Variants in TYMP observed in about 807,000 individuals in gnomAD.
The protein encoded by TYMP is gliostatin.
TYMP carries 46 observed loss-of-function variants against 42.3 expected under a neutral mutation model. The ratio of observed to expected loss-of-function variants is 1.09; its 90% CI spans 0.86 to 1.39. The LOEUF is 1.39. Among genes scored for constraint, TYMP ranks in the 40% most tolerant of loss-of-function variants. The pLI is 0.00. For synonymous variants in TYMP, 363 were observed against 308.0 expected, an observed-to-expected ratio of 1.18 and a Z score of -1.87; for missense variants, 837 against 677.6, an observed-to-expected ratio of 1.24 and a Z score of -2.61.
rs1052593047 is a variant in TYMP, at chr22:50,526,460, C to T, written c.945G>A (p.Trp315Ter). 6.7e-7 allele frequency: 1 copy of T among 1,492,898 alleles called. No homozygotes were observed. Among genetic ancestry groups the T allele is most frequent in the Non-Finnish European group, 8.8e-7 (1 of 1,130,128 alleles). 92.5% of individuals were successfully genotyped at this position (1,492,898 alleles called of 1,614,324 possible). A position where few individuals can be genotyped will look rare whatever the true frequency, so the allele number is the denominator to read the frequency against. ...CCTGAGTCCCCGCGTGTCCGCTGAG[C>T]CAGAGCAGGGCGCCCCCTGCGGGCG... is the stretch of plus-strand genomic sequence containing the variant. The part of the protein sequence containing the change: ...LVTTLGGALL[W>*]LSGHAGTQAQ... Residue 315 changes from tryptophan (W) to a stop codon, truncating the protein, a stop_gained, in exon 8 of 10, where the codon TGG (tryptophan) becomes TGA (stop). Transcript: ENST00000252029. LOFTEE classifies it high-confidence loss of function.
Position 50,525,981 on chromosome 22 carries a change from A to G in TYMP, c.1300+20T>C. On this transcript the variant is annotated intron_variant, in intron 9 of 9. Coordinates refer to ENST00000252029, the MANE Select transcript of TYMP (RefSeq NM_001953.5). ...AGCTGGGCGGGGGTGCGGGGCCAGC[A>G]GGGCGGGGGCGGCGCTCACCACGGC... is the stretch of plus-strand genomic sequence containing the variant. The G allele has an allele frequency of 7.2e-7, 1 of 1,387,376 alleles. No individual in the cohort carries two copies. The allele number at this position is 1,387,376 out of a possible 1,614,324, so 85.9% of individuals were successfully genotyped here.
rs769277063 is a variant in TYMP at position 50,525,825 on chromosome 22, G to A, written c.1394C>T (p.Ala465Val). The change falls in exon 10 of 10, where the codon GCG becomes GTG. Residue 465 changes from alanine to valine, a missense_variant. Transcript: ENST00000252029. ...GAAGGGCGAGGGGGCGGCGAATGGC[G>A]CGCGGTCGGAGAGTACGAGCGCCTC... is the stretch of plus-strand genomic sequence containing the variant. ...LQEALVLSDR[A>V]PFAAPSPFAE... 2.5e-6 allele frequency: 4 copies of A among 1,609,824 alleles called. No homozygotes were observed. The African/African-American group carries it at 5.3e-5, about 22-fold the overall frequency.
intron 3 of TYMP, 159 bp downstream of exon 3, chr22:50,528,977 A>T (rs1381998049): frequency 2.6e-6 from 2 of 781,382 alleles, no homozygotes; most frequent in Non-Finnish European, 4.3e-6. Flanking sequence ...GTGCTGGGGA[A>T]CGGGGTGGGG....
At chr22:50,528,197 G>A (rs993135380) in intron 4 of TYMP, 5 of 440,594 alleles carry the variant, frequency 1.1e-5, no homozygotes, top group Non-Finnish European at 2.1e-5. Flanking sequence ...TAGAGATGGG[G>A]TTTTGCCGTG....
chr22:50,525,818 G>T lies in TYMP; in HGVS notation c.1401C>A (p.Phe467Leu). The change falls in exon 10 of 10, where the codon TTC (phenylalanine) becomes TTA (leucine). Residue 467 changes from phenylalanine (F) to leucine (L), a missense_variant. Transcript: ENST00000252029. ...GCTCTGCGAAGGGCGAGGGGGCGGC[G>T]AATGGCGCGCGGTCGGAGAGTACGA... ...EALVLSDRAP[F>L]AAPSPFAELV... 1 of 1,610,338 alleles carries T rather than the reference G, an allele frequency of 6.2e-7. No individual in the cohort carries two copies. Among genetic ancestry groups the T allele is most frequent in the Non-Finnish European group, 8.5e-7 (1 of 1,178,872 alleles).
chr22:50,528,974 G>T, intron 3 of TYMP, 162 bp downstream of exon 3: 1 of 793,958 alleles, frequency 1.3e-6, no homozygotes, highest in Non-Finnish European at 2.1e-6. Flanking sequence ...GCTGTGCTGG[G>T]GAACGGGGTG....
intron 6 of TYMP, 35 bp downstream of exon 6, chr22:50,527,130 A>G: frequency 6.4e-7 from 1 of 1,552,944 alleles, no homozygotes. Flanking sequence ...GGCCCGCATC[A>G]AGACGCTTGC....
chr22:50,530,046 A>T, upstream of TYMP: 1 of 327,878 alleles, frequency 3.0e-6, no homozygotes, highest in Non-Finnish European at 5.5e-6. Context: ...CCAGGACGGC[A>T]GGCGGGTGGG....
Position 50,526,605 on chromosome 22 carries a change from GGC to G in TYMP, c.897_898del (p.Pro300ArgfsTer?), listed in dbSNP as rs1274535844. On this transcript the variant is annotated frameshift_variant, in exon 7 of 10. Coordinates refer to ENST00000252029, the MANE Select transcript of TYMP (RefSeq NM_001953.5). LOFTEE classifies it high-confidence loss of function. ...CGTGGTGACCAGGTCCCTTAAGTCT[GGC>G]GGGCCTGCGCCGTCCATGCAGAGCA... 3 of 1,580,448 alleles carry G rather than the reference GGC, an allele frequency of 1.9e-6. No individual in the cohort carries two copies. In the South Asian group the frequency reaches 3.5e-5, roughly 18 times the overall value.
chr22:50,529,214 C>G lies in TYMP; in HGVS notation c.339G>C (p.Val113=). The G allele has an allele frequency of 6.2e-7, 1 of 1,613,284 alleles. No individual in the cohort carries two copies. The highest frequency in any genetic ancestry group is 8.5e-7 in the Non-Finnish European group (1 of 1,180,010). Residue 113 remains valine (V), a synonymous_variant, in exon 3 of 10, where the codon GTG becomes GTC. Transcript: ENST00000252029. ...EWPEAWRQQL[V]DKHSTGGVGD... The stretch of plus-strand genomic sequence containing the variant: ...CCACACCCCCTGTGGAATGCTTGTC[C>G]ACAAGCTGCTGGCGCCAGGCCTCTG...
rs915052922 is a variant in TYMP, at chr22:50,526,022, C to G, written c.1279G>C (p.Val427Leu). 1.1e-5 allele frequency: 16 copies of G among 1,472,536 alleles called. No homozygotes were observed. In the African/African-American group the frequency reaches 1.8e-4, roughly 16 times the overall value. 91.2% of individuals were successfully genotyped at this position (1,472,536 alleles called of 1,614,324 possible). The change falls in exon 9 of 10, where the codon GTG (valine) becomes CTG (leucine). Residue 427 changes from valine to leucine, a missense_variant. Physicochemically the swap from Val to Leu is conservative, Grantham distance 32. Coordinates refer to ENST00000252029, the MANE Select transcript of TYMP (RefSeq NM_001953.5). ...LGVGAELLVDVGQRLRRGTPW... is the reference protein window; with the variant it reads ...LGVGAELLVDLGQRLRRGTPW... ...TCACCACGGCGCAGCCTCTGACCCA[C>G]GTCGACCAGCAGCTCTGCGCCCACC...
chr22:50,527,013 G>C lies in TYMP; in HGVS notation c.765+152C>G, dbSNP rs375542076. The C allele has an allele frequency of 3.0e-4, 232 of 762,574 alleles. 1 individual carries two copies. In the South Asian group the frequency reaches 3.5e-3, roughly 12 times the overall value. The allele number at this position is 762,574 out of a possible 1,614,324, so 47.2% of individuals were successfully genotyped here. On this transcript the variant is annotated intron_variant, in intron 6 of 9. Coordinates refer to ENST00000252029, the MANE Select transcript of TYMP (RefSeq NM_001953.5). Reference sequence around the variant, plus strand: ...CTCTAAAGTCACAGCAGGTTAGGAAGCCGTGAAGGAGGGAGGGACTTCGGG... The same window carrying C: ...CTCTAAAGTCACAGCAGGTTAGGAACCCGTGAAGGAGGGAGGGACTTCGGG...
chr22:50,526,630 G>C lies in TYMP; in HGVS notation c.874C>G (p.Leu292Val), dbSNP rs750707642. Reference sequence around the variant, plus strand: ...GGCGGGCCTGCGCCGTCCATGCAGAGCAGCGCCTCCTCCACCTCCAGGGCG... The same window carrying C: ...GGCGGGCCTGCGCCGTCCATGCAGACCAGCGCCTCCTCCACCTCCAGGGCG... ...GHALEVEEALLCMDGAGPPDL... is the reference protein window; with the variant it reads ...GHALEVEEALVCMDGAGPPDL... Residue 292 changes from leucine to valine, a missense_variant, in exon 7 of 10, where the codon CTC (leucine) becomes GTC (valine). Leu to Val is a conservative substitution (Grantham distance 32). Transcript: ENST00000252029. 1.1e-5 allele frequency: 17 copies of C among 1,575,782 alleles called. No individual in the cohort carries two copies. The African/African-American group carries it at 2.0e-4, about 19-fold the overall frequency.
In TYMP at chr22:50,526,619, G is replaced by A. The variant is rs2069395417; in HGVS notation, c.885C>T (p.Asp295=). ...CCCTTAAGTCTGGCGGGCCTGCGCC[G>A]TCCATGCAGAGCAGCGCCTCCTCCA... ...LEVEEALLCM[D]GAGPPDLRDL... is the part of the protein sequence containing the mutation. The change falls in exon 7 of 10, where the codon GAC becomes GAT. Residue 295 remains aspartate, a synonymous_variant. Coordinates refer to ENST00000252029, the MANE Select transcript of TYMP (RefSeq NM_001953.5). 5 of 1,578,066 alleles carry A rather than the reference G, an allele frequency of 3.2e-6. No homozygotes were observed. Among genetic ancestry groups the A allele is most frequent in the African/African-American group, 2.7e-5 (2 of 74,170 alleles).
Position 50,526,310 on chromosome 22 carries a change from G to A in TYMP, c.1095C>T (p.Pro365=). ...GAGGCAGCAGCTGCCGGCGTTCTGCGGGACTTCCCGAGCACAGGGCTCGGG... is the reference window on the plus strand; with the variant it reads ...GAGGCAGCAGCTGCCGGCGTTCTGCAGGACTTCCCGAGCACAGGGCTCGGG... ...GLARALCSGS[P]AERRQLLPRA... The change falls in exon 8 of 10, where the codon CCC becomes CCT. Residue 365 remains proline, a synonymous_variant. Coordinates refer to ENST00000252029, the MANE Select transcript of TYMP (RefSeq NM_001953.5). 1 of 1,559,716 alleles carries A rather than the reference G, an allele frequency of 6.4e-7. No individual in the cohort carries two copies. Among genetic ancestry groups the A allele is most frequent in the Non-Finnish European group, 8.6e-7 (1 of 1,163,146 alleles).
intron 5 of TYMP, 27 bp downstream of exon 5, chr22:50,527,561 C>T (rs369492303): frequency 6.2e-7 from 1 of 1,613,890 alleles, no homozygotes; most frequent in Admixed American, 1.7e-5. Context: ...TGTGAACATG[C>T]AGAAGCAGGC....
At position 50,526,173 on chromosome 22, in the gene TYMP, C is replaced by G. The variant is rs761234600; in HGVS notation, c.1160-32G>C. 1.8e-5 allele frequency: 26 copies of G among 1,466,716 alleles called. No homozygotes were observed. The East Asian group carries it at 6.8e-4, about 38-fold the overall frequency. 90.9% of individuals were successfully genotyped at this position (1,466,716 alleles called of 1,614,324 possible). A position where few individuals can be genotyped will look rare whatever the true frequency, so the allele number is the denominator to read the frequency against. Reference sequence around the variant, plus strand: ...GGAGAGGGGCTGAGAGGCGCGGGCTCGGGAAGGGGCGGGGCCTCGGGAAGG... The same window carrying G: ...GGAGAGGGGCTGAGAGGCGCGGGCTGGGGAAGGGGCGGGGCCTCGGGAAGG... On this transcript the variant is annotated intron_variant, in intron 8 of 9. Transcript: ENST00000252029.
chr22:50,526,418 C>G lies in TYMP; in HGVS notation c.987G>C (p.Arg329=). The part of the protein sequence containing the change: ...HAGTQAQGAA[R]VAAALDDGSA... ...AGCCGTCGTCCAGCGCCGCGGCCACCCGGGCAGCGCCCTGGGCCTGAGTCC... is the reference window on the plus strand; with the variant it reads ...AGCCGTCGTCCAGCGCCGCGGCCACGCGGGCAGCGCCCTGGGCCTGAGTCC... Residue 329 remains arginine, a synonymous_variant, in exon 8 of 10, where the codon CGG becomes CGC. Transcript: ENST00000252029. 6.6e-7 allele frequency: 1 copy of G among 1,507,992 alleles called. No homozygotes were observed. The allele number at this position is 1,507,992 out of a possible 1,614,324, so 93.4% of individuals were successfully genotyped here.
In TYMP at chr22:50,526,107, C is replaced by T. The variant is rs1012026340; in HGVS notation, c.1194G>A (p.Ala398=). 6.7e-7 allele frequency: 1 copy of T among 1,489,552 alleles called. No individual in the cohort carries two copies. Among genetic ancestry groups the T allele is most frequent in the African/African-American group, 1.5e-5 (1 of 68,402 alleles). The allele number at this position is 1,489,552 out of a possible 1,614,324, so 92.3% of individuals were successfully genotyped here. Residue 398 remains alanine, a synonymous_variant, in exon 9 of 10, where the codon GCG becomes GCA. Transcript: ENST00000252029. ...TVELVRALPL[A]LVLHELGAGR... is the part of the protein sequence containing the mutation. Reference sequence around the variant, plus strand: ...CGGCCCCGAGCTCGTGCAGCACCAGCGCCAGCGGCAGCGCCCGGACCAGCT... The same window carrying T: ...CGGCCCCGAGCTCGTGCAGCACCAGTGCCAGCGGCAGCGCCCGGACCAGCT...
Sources: gnomAD v4.1 joint callset for allele counts on GRCh38, gnomAD v4.1.1 for gene constraint, MANE v1.5 for transcripts, NCBI Gene and HGNC (gene_info 2026-07-23, HGNC 2026-07-21) for gene names.